Variants in SRGAP2B observed in about 807,000 individuals in gnomAD.
SRGAP2B encodes the protein SLIT-ROBO Rho GTPase activating protein 2B.
In SRGAP2B, 9 loss-of-function variants were observed where a neutral mutation model predicts 22.2. The observed-to-expected ratio is 0.41, with a 90% CI of 0.24 to 0.71. The LOEUF is 0.71. Among genes scored for constraint, SRGAP2B ranks in the 30% least tolerant of loss-of-function variants. The pLI is 0.35. For missense variants in SRGAP2B, 114 were observed against 235.8 expected (o/e 0.48, Z 3.38); for synonymous variants, 36 against 87.4 (o/e 0.41, Z 3.28).
intron 2 of SRGAP2B, among the ~76,000 whole-genome samples, chr1:145,068,924 T>C (rs1553632896): frequency 6.8e-6 from 1 of 148,048 alleles, no homozygotes; most frequent in South Asian, 2.2e-4. Flanking sequence ...TGTGTGTGTG[T>C]GTGTGTGTGT....
At position 145,036,429 on chromosome 1, in the gene SRGAP2B, G is replaced by A. The variant is rs587619219; in HGVS notation, c.68-41229C>T. On this transcript the variant is annotated intron_variant, in intron 2 of 9. Transcript: ENST00000612199. ...TCCAAAACTATCATGAGATTCTTTA[G>A]AAGACCCTCTGTTAATAATATTAAT... Among the ~76,000 whole-genome samples the A allele has an allele frequency of 6.3e-4, 74 of 117,778 alleles. 3 individuals are homozygous for A. The highest frequency in any genetic ancestry group is 2.6e-3 in the African/African-American group (72 of 28,234). 77.3% of individuals were successfully genotyped at this position (117,778 alleles called of 152,430 possible). A position where few individuals can be genotyped will look rare whatever the true frequency, so the allele number is the denominator to read the frequency against.
intron 4 of SRGAP2B, among the ~76,000 whole-genome samples, chr1:144,948,139 C>T (rs1185196242): frequency 7.2e-6 from 1 of 138,430 alleles, no homozygotes; most frequent in Non-Finnish European, 1.5e-5. Context: ...CCCTTGTGTC[C>T]CTTAGCAGTC....
chr1:144,970,680 A>C (rs1668445385), intron 3 of SRGAP2B, among the ~76,000 whole-genome samples: 1 of 149,188 alleles, frequency 6.7e-6, no homozygotes, highest in Admixed American at 6.7e-5. Context: ...GTGTAGTTGT[A>C]GTGCTAGATA....
chr1:144,987,869 T>C (rs1157119205), intron 3 of SRGAP2B, among the ~76,000 whole-genome samples: 7 of 150,876 alleles, frequency 4.6e-5, no homozygotes, highest in Admixed American at 2.0e-4. Context: ...TAATGTTGCA[T>C]TGAGGCATTG....
At chr1:145,093,956 G>A (rs112906161) in intron 1 of SRGAP2B, among the ~76,000 whole-genome samples, 2 of 149,484 alleles carry the variant, frequency 1.3e-5, no homozygotes, top group Non-Finnish European at 3.0e-5. Context: ...ATGTTGATGG[G>A]GGGGCGGGGC....
intron 3 of SRGAP2B, among the ~76,000 whole-genome samples, chr1:144,979,733 C>G (rs1314586039): frequency 1.3e-5 from 2 of 151,054 alleles, no homozygotes; most frequent in Admixed American, 1.3e-4. Flanking sequence ...GGACCTCCCC[C>G]GACTCTCACT....
chr1:144,993,975 A>G (rs1670461075), intron 3 of SRGAP2B, among the ~76,000 whole-genome samples: 1 of 150,272 alleles, frequency 6.7e-6, no homozygotes, highest in East Asian at 1.9e-4. Flanking sequence ...GTTTTTTTGC[A>G]ATTTTTTTTA....
At chr1:144,942,630 G>C (rs1405341856) in intron 4 of SRGAP2B, among the ~76,000 whole-genome samples, 2 of 149,408 alleles carry the variant, frequency 1.3e-5, no homozygotes, top group African/African-American at 2.5e-5. Context: ...ATGTTGGTCA[G>C]GCTGGTCTCA....
rs372283313 is a variant in SRGAP2B at position 144,975,955 on chromosome 1, G to C, written c.260+19053C>G. Among the ~76,000 whole-genome samples, 52 of 140,414 alleles carry C rather than the reference G, an allele frequency of 3.7e-4. 3 individuals are homozygous for C. Among genetic ancestry groups the C allele is most frequent in the African/African-American group, 1.2e-3 (42 of 36,144 alleles). 92.1% of individuals were successfully genotyped at this position (140,414 alleles called of 152,430 possible). A position where few individuals can be genotyped will look rare whatever the true frequency, so the allele number is the denominator to read the frequency against. ...GTGGCACGATCTCGGCTCACTGCAAGCTCCACCTCCCAGGTTCACCCCATT... is the reference window on the plus strand; with the variant it reads ...GTGGCACGATCTCGGCTCACTGCAACCTCCACCTCCCAGGTTCACCCCATT... On this transcript the variant is annotated intron_variant, in intron 3 of 9. Transcript: ENST00000612199.
chr1:144,975,178 G>T (rs1570902918), intron 3 of SRGAP2B, among the ~76,000 whole-genome samples: 1 of 149,506 alleles, frequency 6.7e-6, no homozygotes, highest in East Asian at 1.9e-4. Flanking sequence ...CAAGAGAAAA[G>T]GTTTGGCAGT....
At chr1:144,923,087 G>A (rs1429719977) in intron 4 of SRGAP2B, among the ~76,000 whole-genome samples, 1 of 150,552 alleles carries the variant, frequency 6.6e-6, no homozygotes, top group African/African-American at 2.5e-5. Flanking sequence ...GGAGTTCAGG[G>A]TGGGGTCAGG....
intron 2 of SRGAP2B, among the ~76,000 whole-genome samples, chr1:144,999,194 T>A (rs1471492552): frequency 6.6e-6 from 1 of 150,840 alleles, no homozygotes; most frequent in Non-Finnish European, 1.5e-5. Context: ...TGAGAATACT[T>A]GGGAGCTATG....
At chr1:145,009,363 C>T (rs587708346) in intron 2 of SRGAP2B, among the ~76,000 whole-genome samples, 4,706 of 149,456 alleles carry the variant, frequency 0.031, 165 homozygotes, top group Non-Finnish European at 0.048. Context: ...CCGAGGCGGG[C>T]GGATCACGAG....
At chr1:145,021,083 ACAGGCAAGAGCCAC>A (rs1672770379) in intron 2 of SRGAP2B, among the ~76,000 whole-genome samples, 1 of 150,554 alleles carries the variant, frequency 6.6e-6, no homozygotes, top group Non-Finnish European at 1.5e-5. Context: ...TGCTGGGATT[ACAGGCAAGAGCCAC>A]CACTCCCAGC....
intron 5 of SRGAP2B, among the ~76,000 whole-genome samples, chr1:144,912,074 C>T (rs1254363463): frequency 1.3e-5 from 2 of 149,038 alleles, no homozygotes; most frequent in Non-Finnish European, 3.0e-5. Flanking sequence ...CCTCAGCCTC[C>T]CCAGTAGCTG....
At chr1:144,979,178 G>A (rs1190509666) in intron 3 of SRGAP2B, among the ~76,000 whole-genome samples, 2 of 148,564 alleles carry the variant, frequency 1.3e-5, no homozygotes, top group African/African-American at 5.0e-5. Context: ...GAGTAGGTGG[G>A]ACTACAGGCA....
intron 3 of SRGAP2B, among the ~76,000 whole-genome samples, chr1:144,979,042 TTTG>T (rs1322201719): frequency 5.3e-5 from 8 of 151,746 alleles, no homozygotes; most frequent in Admixed American, 1.3e-4. Context: ...ACCTCTGTTT[TTTG>T]TTGTTGTTTT....
At chr1:144,925,282 G>A (rs1396857303) in intron 4 of SRGAP2B, among the ~76,000 whole-genome samples, 1 of 148,972 alleles carries the variant, frequency 6.7e-6, no homozygotes, top group Non-Finnish European at 1.5e-5. Context: ...TGTGATTACA[G>A]GAGTGAGCCA....
At chr1:144,964,024 T>C (rs1457661286) in intron 3 of SRGAP2B, among the ~76,000 whole-genome samples, 3 of 150,636 alleles carry the variant, frequency 2.0e-5, no homozygotes, top group Non-Finnish European at 1.5e-5. Flanking sequence ...AATTCTTGAT[T>C]CTGTGAAACT....
Sources: gnomAD v4.1 joint callset for allele counts (sites outside exome capture counted in the v4.1 genomes callset) on GRCh38, gnomAD v4.1.1 for gene constraint, MANE v1.5 for transcripts, NCBI Gene and HGNC (gene_info 2026-07-23, HGNC 2026-07-21) for gene names.